Variants in XPO4 observed in about 807,000 individuals in gnomAD.
XPO4 encodes the protein exportin 4.
Under a neutral mutation model 143.0 loss-of-function variants are expected in XPO4, and 39 were observed. That is an observed-to-expected ratio of 0.27 (90% CI 0.21 to 0.36). XPO4 has a LOEUF of 0.36. Ranked by LOEUF, XPO4 falls within the 10% of genes least tolerant of loss-of-function variation. The pLI, the probability that XPO4 is intolerant of heterozygous loss-of-function variation, is 1.00. For synonymous variants in XPO4, 439 were observed against 474.0 expected (o/e 0.93, Z 0.96); for missense variants, 907 against 1,348.0 (o/e 0.67, Z 5.12).
intron 2 of XPO4, chr13:20,865,513 G>A: frequency 2.0e-6 from 2 of 985,044 alleles, no homozygotes; most frequent in Non-Finnish European, 2.4e-6. Context: ...AATTATTTTA[G>A]GTCACTTTAG....
chr13:20,891,920 T>C (rs2060521101), intron 1 of XPO4, among the ~76,000 whole-genome samples: 1 of 151,214 alleles, frequency 6.6e-6, no homozygotes, highest in Non-Finnish European at 1.5e-5. Flanking sequence ...ACTTCTGGAC[T>C]CAAGCAATTC....
At chr13:20,888,255 A>C (rs1263881139) in intron 1 of XPO4, among the ~76,000 whole-genome samples, 1 of 152,136 alleles carries the variant, frequency 6.6e-6, no homozygotes, top group Non-Finnish European at 1.5e-5. Flanking sequence ...ATAACTAAAT[A>C]AATCAACCCT....
chr13:20,859,800 A>T, intron 3 of XPO4: 1 of 898,086 alleles, frequency 1.1e-6, no homozygotes, highest in Non-Finnish European at 1.3e-6. Flanking sequence ...AAAAAAAAAG[A>T]ACAAATAAAA....
chr13:20,895,134 C>T (rs1469045053), intron 1 of XPO4, among the ~76,000 whole-genome samples: 1 of 151,942 alleles, frequency 6.6e-6, no homozygotes, highest in Admixed American at 6.6e-5. Flanking sequence ...GCCGAGATTG[C>T]GCCACTGCAC....
intron 9 of XPO4, among the ~76,000 whole-genome samples, chr13:20,818,827 G>GT (rs1378709661): frequency 6.6e-6 from 1 of 150,418 alleles, no homozygotes; most frequent in Non-Finnish European, 1.5e-5. Context: ...CCTCCCCTTT[G>GT]TTTTTTTGTT....
intron 22 of XPO4, among the ~76,000 whole-genome samples, chr13:20,785,839 C>A (rs1303657906): frequency 4.0e-5 from 4 of 99,592 alleles, no homozygotes; most frequent in African/African-American, 1.2e-4. Flanking sequence ...GAGGAAGAGA[C>A]AAGAGGGTGG....
intron 9 of XPO4, among the ~76,000 whole-genome samples, chr13:20,812,445 G>A (rs965507984): frequency 1.3e-5 from 2 of 152,092 alleles, no homozygotes; most frequent in African/African-American, 4.8e-5. Flanking sequence ...ATTCTAAGAT[G>A]TTAAAGTCAG....
rs2059118079 is a variant in XPO4 at position 20,779,613 on chromosome 13, C to T, written c.*4109G>A. Reference sequence around the variant, plus strand: ...AATGGGCAAGCCACACCTCCCAGTTCCTAGGAGGGAATCGCCACGGCCGAC... The same window carrying T: ...AATGGGCAAGCCACACCTCCCAGTTTCTAGGAGGGAATCGCCACGGCCGAC... On this transcript the variant is annotated 3_prime_UTR_variant, in exon 23 of 23. Coordinates refer to ENST00000255305, the MANE Select transcript of XPO4 (RefSeq NM_022459.5). 1 of 152,546 alleles carries T rather than the reference C, an allele frequency of 6.6e-6. No homozygotes were observed. The highest frequency in any genetic ancestry group is 1.5e-5 in the Non-Finnish European group (1 of 68,026). The allele number at this position is 152,546 out of a possible 1,614,324, so 9.4% of individuals were successfully genotyped here.
chr13:20,854,246 A>C (rs182755116), intron 4 of XPO4, among the ~76,000 whole-genome samples: 2 of 152,322 alleles, frequency 1.3e-5, no homozygotes, highest in African/African-American at 2.4e-5. Flanking sequence ...CTGAGGTATC[A>C]GTCTGCGGTC....
At chr13:20,842,500 A>G (rs1173956664) in intron 6 of XPO4, among the ~76,000 whole-genome samples, 2 of 152,152 alleles carry the variant, frequency 1.3e-5, no homozygotes, top group Non-Finnish European at 2.9e-5. Flanking sequence ...AAATTAGAGC[A>G]CTCCAAACTA....
At chr13:20,795,992 G>T in intron 18 of XPO4, 84 bp downstream of exon 18, 1 of 1,342,526 alleles carries the variant, frequency 7.4e-7, no homozygotes, top group Non-Finnish European at 1.0e-6. Context: ...TTCCTCATGA[G>T]ATGTCTCTTA....
At chr13:20,806,994 C>T (rs1387861852) in intron 13 of XPO4, among the ~76,000 whole-genome samples, 1 of 152,124 alleles carries the variant, frequency 6.6e-6, no homozygotes, top group African/African-American at 2.4e-5. Flanking sequence ...TTAAGTTTCA[C>T]ATTTAGAATA....
chr13:20,893,004 G>T (rs1331595708), intron 1 of XPO4, among the ~76,000 whole-genome samples: 2 of 152,192 alleles, frequency 1.3e-5, no homozygotes, highest in African/African-American at 2.4e-5. Flanking sequence ...ACTGAAGGAT[G>T]AAGTGACAGG....
intron 6 of XPO4, among the ~76,000 whole-genome samples, chr13:20,836,178 C>A (rs1479897403): frequency 1.3e-5 from 2 of 152,076 alleles, no homozygotes; most frequent in Non-Finnish European, 2.9e-5. Context: ...GTCAATTGTA[C>A]TTCACTCTAT....
chr13:20,847,257 G>A (rs2138074204), intron 4 of XPO4, among the ~76,000 whole-genome samples: 1 of 152,174 alleles, frequency 6.6e-6, no homozygotes, highest in Middle Eastern at 3.4e-3. Flanking sequence ...TATTCATAGG[G>A]GAATTAAACA....
intron 2 of XPO4, chr13:20,868,385 A>AG: frequency 1.5e-6 from 1 of 675,012 alleles, no homozygotes. Flanking sequence ...CACTATATCT[A>AG]GGGGGGAAAA....
intron 17 of XPO4, 152 bp from the exon 18 acceptor site, chr13:20,796,408 T>C: frequency 1.5e-6 from 1 of 661,154 alleles, no homozygotes; most frequent in East Asian, 3.1e-5. Flanking sequence ...CTAGAAAGCA[T>C]ATATTAAGAG....
intron 1 of XPO4, chr13:20,879,417 T>G: frequency 1.5e-6 from 1 of 689,496 alleles, no homozygotes; most frequent in Non-Finnish European, 1.8e-6. Flanking sequence ...AGCAGGCCTA[T>G]GACAGGTCTC....
At chr13:20,814,920 C>A (rs912282986) in intron 9 of XPO4, among the ~76,000 whole-genome samples, 3 of 152,126 alleles carry the variant, frequency 2.0e-5, no homozygotes, top group Non-Finnish European at 2.9e-5. Flanking sequence ...AAATCTTTTA[C>A]GTTTTGGTAA....
Sources: gnomAD v4.1 joint callset for allele counts (sites outside exome capture counted in the v4.1 genomes callset) on GRCh38, gnomAD v4.1.1 for gene constraint, MANE v1.5 for transcripts, NCBI Gene and HGNC (gene_info 2026-07-23, HGNC 2026-07-21) for gene names.